The following HMGXB3 variants were observed in gnomAD, a reference collection of about 807,000 sequenced individuals.
HMGXB3 encodes the protein HMG-box containing 3.
In HMGXB3, 45 loss-of-function variants were observed where a neutral mutation model predicts 121.5. The observed-to-expected ratio is 0.37, with a 90% CI of 0.29 to 0.47. HMGXB3 has a LOEUF of 0.47. Among genes scored for constraint, HMGXB3 ranks in the 20% least tolerant of loss-of-function variants. The probability of loss-of-function intolerance (pLI) is 0.99; values close to 1 mark genes in which losing one functional copy is unlikely to be tolerated. For missense variants in HMGXB3, 1,376 were observed against 1,602.2 expected (o/e 0.86, Z 2.41); for synonymous variants, 590 against 624.1 (o/e 0.95, Z 0.81).
In HMGXB3 at chr5:150,040,838, T is replaced by C. The variant is rs2113757487; in HGVS notation, c.2504T>C (p.Val835Ala). The C allele has an allele frequency of 1.3e-6, 2 of 1,551,546 alleles. No individual in the cohort carries two copies. Reference sequence around the variant, plus strand: ...ATCAAGCTCGGAGAGGACCCCAGAGTGTCCATCAATGTTGTTCTGAAGTCG... The same window carrying C: ...ATCAAGCTCGGAGAGGACCCCAGAGCGTCCATCAATGTTGTTCTGAAGTCG... ...NQIKLGEDPR[V>A]SINVVLKSVQ... The change falls in exon 14 of 20, where the codon GTG becomes GCG. Residue 835 changes from valine to alanine, a missense_variant. Val to Ala is a moderately conservative substitution (Grantham distance 64). Around this residue, in one of 2 missense-constraint regions of HMGXB3, gnomAD observed 1,116 missense variants for 1,369.0 expected, o/e 0.82. Transcript: ENST00000502717.
intron 5 of HMGXB3, chr5:150,014,787 G>T: frequency 2.5e-6 from 1 of 399,974 alleles, no homozygotes; most frequent in South Asian, 2.9e-5. Flanking sequence ...AGTTTAATCT[G>T]GCATATCAAT....
intron 6 of HMGXB3, among the ~76,000 whole-genome samples, chr5:150,023,405 CTAAT>C (rs1177895690): frequency 4.6e-5 from 7 of 152,138 alleles, no homozygotes; most frequent in Non-Finnish European, 1.0e-4. Flanking sequence ...TACCACATAA[CTAAT>C]TAGGAGTGGA....
At chr5:150,041,637 CCTGACCCTCAGGGTAGGTAGTACA>C in intron 14 of HMGXB3, 124 bp from the exon 15 acceptor site, 1 of 627,894 alleles carries the variant, frequency 1.6e-6, no homozygotes, top group Non-Finnish European at 2.7e-6. Context: ...AGGCCAGATC[CCTGACCCTCAGGGTAGGTAGTACA>C]CTGGAGTGTT....
intron 19 of HMGXB3, 126 bp from the exon 20 acceptor site, chr5:150,051,599 G>C (rs1383665803): frequency 3.9e-6 from 3 of 770,884 alleles, no homozygotes; most frequent in Non-Finnish European, 6.1e-6. Flanking sequence ...GTTGGCCTAG[G>C]AGACACAGTA....
intron 5 of HMGXB3, among the ~76,000 whole-genome samples, chr5:150,016,827 A>G (rs188352913): frequency 6.6e-6 from 1 of 152,162 alleles, no homozygotes. Context: ...TGATATAAGT[A>G]TTTTTTATGG....
At chr5:150,042,038 G>A (rs1581264769) in intron 15 of HMGXB3, 69 bp downstream of exon 15, 1 of 1,311,516 alleles carries the variant, frequency 7.6e-7, no homozygotes, top group Non-Finnish European at 1.1e-6. Context: ...CTTCCTATAT[G>A]ATATCCCCAG....
chr5:150,022,578 G>A (rs1561863362), intron 6 of HMGXB3, among the ~76,000 whole-genome samples: 1 of 152,150 alleles, frequency 6.6e-6, no homozygotes, highest in East Asian at 1.9e-4. Flanking sequence ...CAATCTTTCT[G>A]TGGTGATTTT....
intron 16 of HMGXB3, 162 bp from the exon 17 acceptor site, chr5:150,047,462 T>C (rs1756784267): frequency 1.4e-6 from 1 of 735,570 alleles, no homozygotes; most frequent in Non-Finnish European, 2.2e-6. Context: ...AGACTTCAAA[T>C]ATCTGCAGAA....
intron 9 of HMGXB3, 45 bp from the exon 10 acceptor site, chr5:150,030,696 T>C: frequency 7.0e-7 from 1 of 1,422,342 alleles, no homozygotes; most frequent in Non-Finnish European, 9.7e-7. Flanking sequence ...GCTCAGGAGT[T>C]TGGCTAAGGT....
chr5:150,027,584 T>A (rs1756263827), intron 9 of HMGXB3, among the ~76,000 whole-genome samples: 1 of 151,858 alleles, frequency 6.6e-6, no homozygotes. Context: ...AGTGTCTCAC[T>A]CTGTCACCCA....
At chr5:150,022,765 A>T (rs2113739531) in intron 6 of HMGXB3, among the ~76,000 whole-genome samples, 1 of 151,326 alleles carries the variant, frequency 6.6e-6, no homozygotes, top group Non-Finnish European at 1.5e-5. Context: ...TATGTGTTAG[A>T]ATCTGAGAAT....
rs939697024 is a variant in HMGXB3 at position 150,050,325 on chromosome 5, G to A, written c.3275G>A (p.Arg1092His). 1.4e-5 allele frequency: 22 copies of A among 1,551,686 alleles called. No homozygotes were observed. Among genetic ancestry groups the A allele is most frequent in the Admixed American group, 2.0e-5 (1 of 50,988 alleles). ...CATGTGGACCTGCTTGCCTCTTCCC[G>A]CCACTGGCCGCCTGTCTATGTGGTA... ...RDHVDLLASS[R>H]HWPPVYVVDM... Residue 1092 changes from arginine (R) to histidine (H), a missense_variant, in exon 19 of 20, where the codon CGC becomes CAC. Arg to His is a conservative substitution (Grantham distance 29). Coordinates refer to ENST00000502717, the MANE Select transcript of HMGXB3 (RefSeq NM_014983.3).
chr5:150,004,703 C>T (rs1581244269), intron 1 of HMGXB3, 148 bp from the exon 2 acceptor site: 2 of 493,744 alleles, frequency 4.1e-6, no homozygotes, highest in East Asian at 6.7e-5. Flanking sequence ...GTTAAACAAC[C>T]AAGCCAGGTG....
intron 6 of HMGXB3, among the ~76,000 whole-genome samples, chr5:150,023,026 G>A (rs1356989038): frequency 5.1e-5 from 6 of 117,308 alleles, no homozygotes; most frequent in Non-Finnish European, 1.0e-4. Flanking sequence ...ATGTGGTCTT[G>A]CCATGTTTCC....
At chr5:150,029,330 G>GTTTTTTTT (rs79467916) in intron 9 of HMGXB3, among the ~76,000 whole-genome samples, 1 of 139,482 alleles carries the variant, frequency 7.2e-6, no homozygotes, top group Admixed American at 7.2e-5. Flanking sequence ...TAGTTATCAA[G>GTTTTTTTT]TTTTTTTTTT....
intron 5 of HMGXB3, chr5:150,014,751 G>A (rs2113731821): frequency 3.6e-6 from 1 of 280,564 alleles, no homozygotes; most frequent in East Asian, 7.3e-5. Context: ...AGGCAAGGTG[G>A]AGTCTGTGTA....
chr5:150,021,816 A>G (rs1050789485), intron 6 of HMGXB3: 9 of 507,088 alleles, frequency 1.8e-5, no homozygotes, highest in Non-Finnish European at 3.5e-5. Context: ...AAGTCAGCAC[A>G]CATCTTCTCC....
At chr5:150,051,378 C>T (rs1360172223) in intron 19 of HMGXB3, among the ~76,000 whole-genome samples, 1 of 152,188 alleles carries the variant, frequency 6.6e-6, no homozygotes, top group South Asian at 2.1e-4. Context: ...GTCATTACTC[C>T]CTGGGGCTCA....
chr5:150,024,862 C>T (rs1756189278), intron 7 of HMGXB3, among the ~76,000 whole-genome samples, 182 bp downstream of exon 7: 1 of 152,210 alleles, frequency 6.6e-6, no homozygotes, highest in African/African-American at 2.4e-5. Context: ...CTCTGCTATT[C>T]ATGTACTGCT....
Sources: allele counts gnomAD v4.1 joint callset (sites outside exome capture counted in the v4.1 genomes callset), GRCh38; gene constraint gnomAD v4.1.1; regional missense constraint gnomAD v4.1.1; transcripts MANE v1.5; gene names NCBI Gene and HGNC (gene_info 2026-07-23, HGNC 2026-07-21).